Variants in ZBBX observed in about 807,000 individuals in gnomAD.
ZBBX encodes zinc finger B-box domain-containing protein 1.
Under a neutral mutation model 108.5 loss-of-function variants are expected in ZBBX, and 101 were observed. The ratio of observed to expected loss-of-function variants is 0.93; its 90% CI spans 0.79 to 1.10. The LOEUF is 1.10. Among genes scored for constraint, ZBBX ranks in the 50% least tolerant of loss-of-function variants. The pLI, the probability that ZBBX is intolerant of heterozygous loss-of-function variation, is 0.00. For missense variants in ZBBX, 1,009 were observed against 941.4 expected, an observed-to-expected ratio of 1.07 and a Z score of -0.94; for synonymous variants, 356 against 323.4, an observed-to-expected ratio of 1.10 and a Z score of -1.08.
At chr3:167,297,341 G>T (rs565969998) in intron 18 of ZBBX, among the ~76,000 whole-genome samples, 1 of 151,824 alleles carries the variant, frequency 6.6e-6, no homozygotes, top group African/African-American at 2.4e-5. Flanking sequence ...ATATCCATAC[G>T]CAAAATAATG....
chr3:167,230,015 G>C, the ZBBX span, among the ~76,000 whole-genome samples: 4 of 151,822 alleles, frequency 2.6e-5, no homozygotes, highest in African/African-American at 9.7e-5. Context: ...ATGTTGGCAA[G>C]TATGAAATCT....
chr3:167,340,655 C>A (rs1308546076), intron 9 of ZBBX, among the ~76,000 whole-genome samples: 2 of 151,816 alleles, frequency 1.3e-5, no homozygotes, highest in Admixed American at 1.3e-4. Flanking sequence ...AGGAAGCTAT[C>A]CATAAATGAT....
chr3:167,286,192 TA>T (rs1729658290), intron 19 of ZBBX, among the ~76,000 whole-genome samples: 1 of 152,074 alleles, frequency 6.6e-6, no homozygotes, highest in Non-Finnish European at 1.5e-5. Flanking sequence ...AGGTAAGATC[TA>T]ATTCTAAGGC....
chr3:167,292,895 A>G (rs181732493), intron 18 of ZBBX, among the ~76,000 whole-genome samples: 2,044 of 152,324 alleles, frequency 0.013, 23 homozygotes, highest in Non-Finnish European at 0.021. Context: ...AGACATACAA[A>G]CTACCATCAG....
intron 12 of ZBBX, among the ~76,000 whole-genome samples, chr3:167,321,253 A>T (rs964672684): frequency 2.0e-5 from 3 of 152,014 alleles, no homozygotes; most frequent in African/African-American, 7.2e-5. Context: ...GTATTAACCT[A>T]TCTAGCAGAG....
intron 10 of ZBBX, 73 bp from the exon 11 acceptor site, chr3:167,328,189 A>C: frequency 1.4e-6 from 2 of 1,453,942 alleles, no homozygotes; most frequent in African/African-American, 1.4e-5. Flanking sequence ...TTTAATAAAA[A>C]AATTCTGTGT....
chr3:167,227,508 A>G, the ZBBX span, among the ~76,000 whole-genome samples: 2 of 151,672 alleles, frequency 1.3e-5, no homozygotes, highest in Non-Finnish European at 3.0e-5. Context: ...CAAATTTGCT[A>G]TTCAGATATC....
chr3:167,180,927 T>C, the ZBBX span, among the ~76,000 whole-genome samples: 1 of 152,150 alleles, frequency 6.6e-6, no homozygotes, highest in African/African-American at 2.4e-5. Context: ...ATTTACCTGA[T>C]TTTTTTCTTA....
chr3:167,277,732 C>T (rs2108504606), intron 20 of ZBBX, among the ~76,000 whole-genome samples: 1 of 152,224 alleles, frequency 6.6e-6, no homozygotes, highest in East Asian at 1.9e-4. Context: ...TTGAACTCAG[C>T]TCTGCACCAA....
intron 9 of ZBBX, among the ~76,000 whole-genome samples, chr3:167,339,065 C>T (rs1039758472): frequency 1.3e-5 from 2 of 152,146 alleles, no homozygotes; most frequent in Non-Finnish European, 2.9e-5. Context: ...TGAATTACCT[C>T]ATATGCAGTC....
At chr3:167,328,584 G>A (rs528833301) in intron 10 of ZBBX, among the ~76,000 whole-genome samples, 4 of 151,706 alleles carry the variant, frequency 2.6e-5, no homozygotes, top group Non-Finnish European at 4.4e-5. Context: ...GACCTACACC[G>A]CCCTACACAA....
chr3:167,321,313 T>C lies in ZBBX; in HGVS notation c.983+804A>G, dbSNP rs547149664. On this transcript the variant is annotated intron_variant, in intron 12 of 21. Coordinates refer to ENST00000675490, the MANE Select transcript of ZBBX (RefSeq NM_001199201.2). Reference sequence around the variant, plus strand: ...ATTTCAAAAATCTGAAGAGATACCATGGAGAAGAAAAATTAGATTTTATCT... The same window carrying C: ...ATTTCAAAAATCTGAAGAGATACCACGGAGAAGAAAAATTAGATTTTATCT... 3.9e-4 allele frequency among the ~76,000 whole-genome samples: 59 copies of C among 152,122 alleles called. No homozygotes were observed. The South Asian group carries it at 9.7e-3, about 25-fold the overall frequency.
intron 20 of ZBBX, among the ~76,000 whole-genome samples, chr3:167,272,420 T>A (rs1034157282): frequency 2.0e-5 from 3 of 152,068 alleles, no homozygotes; most frequent in African/African-American, 7.2e-5. Context: ...GAATGCAAAC[T>A]TGAGCCAGCC....
At chr3:167,361,720 C>T (rs1744539945) in intron 6 of ZBBX, among the ~76,000 whole-genome samples, 1 of 152,110 alleles carries the variant, frequency 6.6e-6, no homozygotes, top group South Asian at 2.1e-4. Flanking sequence ...TTTCTATGAA[C>T]CACACTTTTA....
chr3:167,196,348 T>A, the ZBBX span, among the ~76,000 whole-genome samples: 7,836 of 152,188 alleles, frequency 0.051, 557 homozygotes, highest in African/African-American at 0.16. Flanking sequence ...AAGAGGAAAA[T>A]TTAAAATAAG....
the ZBBX span, among the ~76,000 whole-genome samples, chr3:167,203,341 C>A: frequency 6.6e-6 from 1 of 152,044 alleles, no homozygotes; most frequent in South Asian, 2.1e-4. Flanking sequence ...AATCTTATCA[C>A]CCCTTTAAAG....
chr3:167,382,700 A>T (rs1747791191), upstream of ZBBX, among the ~76,000 whole-genome samples: 1 of 152,092 alleles, frequency 6.6e-6, no homozygotes, highest in Non-Finnish European at 1.5e-5. Context: ...ATACTAGAAT[A>T]CTGTTTAAGA....
intron 12 of ZBBX, among the ~76,000 whole-genome samples, chr3:167,320,416 T>C (rs1736247115): frequency 6.6e-6 from 1 of 151,492 alleles, no homozygotes; most frequent in African/African-American, 2.4e-5. Context: ...AAAGAAAAAA[T>C]AATAAAAGTG....
chr3:167,285,261 T>C (rs145715249), intron 19 of ZBBX, among the ~76,000 whole-genome samples: 28 of 152,258 alleles, frequency 1.8e-4, no homozygotes, highest in Middle Eastern at 6.8e-3. Flanking sequence ...CACTGAATGA[T>C]AATCGTTATT....
Sources: gnomAD v4.1 joint callset for allele counts (sites outside exome capture counted in the v4.1 genomes callset) on GRCh38, gnomAD v4.1.1 for gene constraint, MANE v1.5 for transcripts, NCBI Gene and HGNC (gene_info 2026-07-23, HGNC 2026-07-21) for gene names.